The following MGLL variants were observed in gnomAD, a reference collection of about 807,000 sequenced individuals.
The protein encoded by MGLL is monoglyceride lipase.
A neutral mutation model predicts 29.1 loss-of-function variants in MGLL; 7 were observed. The ratio of observed to expected loss-of-function variants is 0.24; its 90% CI spans 0.14 to 0.45. The LOEUF (loss-of-function observed/expected upper bound fraction) is 0.45. Ranked by LOEUF, MGLL falls within the 20% of genes least tolerant of loss-of-function variation. The probability of loss-of-function intolerance (pLI) is 0.99; values close to 1 mark genes in which losing one functional copy is unlikely to be tolerated. For synonymous variants in MGLL, 148 were observed against 168.3 expected (o/e 0.88, Z 0.93); for missense variants, 356 against 413.6 (o/e 0.86, Z 1.21).
chr3:127,734,686 T>G (rs980173253), intron 3 of MGLL, among the ~76,000 whole-genome samples: 1 of 152,162 alleles, frequency 6.6e-6, no homozygotes, highest in Non-Finnish European at 1.5e-5. Context: ...AGCCCCCAGG[T>G]GAAGAGATCC....
chr3:127,817,918 G>A (rs188457716), intron 2 of MGLL, among the ~76,000 whole-genome samples: 15 of 152,256 alleles, frequency 9.9e-5, no homozygotes, highest in East Asian at 3.8e-4. Context: ...CTCCATCGCC[G>A]TGCTGATAGC....
intron 3 of MGLL, among the ~76,000 whole-genome samples, chr3:127,772,501 G>T (rs188765043): frequency 6.6e-6 from 1 of 152,192 alleles, no homozygotes; most frequent in Admixed American, 6.5e-5. Context: ...CACGTGAACC[G>T]TCCTGCACAC....
intron 5 of MGLL, among the ~76,000 whole-genome samples, chr3:127,716,315 A>T (rs180942735): frequency 6.6e-6 from 1 of 152,356 alleles, no homozygotes. Context: ...CTAACTCCGA[A>T]GGGATGCTGG....
intron 5 of MGLL, chr3:127,712,434 G>A (rs1344095085): frequency 6.6e-6 from 1 of 152,262 alleles, no homozygotes; most frequent in Non-Finnish European, 1.5e-5. Context: ...TCTCCTAAAG[G>A]GCTTTGTTCC....
rs564334653 is a variant in MGLL at position 127,702,097 on chromosome 3, G to A, written c.601-6907C>T. 3.9e-5 allele frequency among the ~76,000 whole-genome samples: 6 copies of A among 152,340 alleles called. No individual in the cohort carries two copies. The East Asian group carries it at 9.6e-4, about 24-fold the overall frequency. Reference sequence around the variant, plus strand: ...GGGCAAGACTGAGTGTGGCTTCCAAGGTCACACTGAGGAGATGGAGCGGGG... The same window carrying A: ...GGGCAAGACTGAGTGTGGCTTCCAAAGTCACACTGAGGAGATGGAGCGGGG... On this transcript the variant is annotated intron_variant, in intron 6 of 7. Transcript: ENST00000265052.
intron 2 of MGLL, among the ~76,000 whole-genome samples, chr3:127,799,177 A>G (rs1039189803): frequency 2.6e-5 from 4 of 152,154 alleles, no homozygotes; most frequent in African/African-American, 9.7e-5. Flanking sequence ...ACGGCTGTGG[A>G]GCATCTACGT....
chr3:127,745,913 T>C (rs965276972), intron 3 of MGLL, among the ~76,000 whole-genome samples: 16 of 152,214 alleles, frequency 1.1e-4, no homozygotes, highest in African/African-American at 3.4e-4. Context: ...CACAACGGAC[T>C]GACCCTTCAC....
At chr3:127,748,423 AGAGAGG>A (rs1456184613) in intron 3 of MGLL, among the ~76,000 whole-genome samples, 1 of 119,636 alleles carries the variant, frequency 8.4e-6, no homozygotes, top group East Asian at 2.1e-4. Context: ...AGAGAGAGAG[AGAGAGG>A]GAGAGAGAGA....
intron 2 of MGLL, among the ~76,000 whole-genome samples, chr3:127,804,815 C>A (rs1195237739): frequency 6.6e-6 from 1 of 152,168 alleles, no homozygotes; most frequent in African/African-American, 2.4e-5. Flanking sequence ...GGCCAGGGTC[C>A]ACTGGGGGTC....
At chr3:127,763,423 T>C (rs2076800489) in intron 3 of MGLL, among the ~76,000 whole-genome samples, 1 of 152,246 alleles carries the variant, frequency 6.6e-6, no homozygotes. Flanking sequence ...TGTACCCAGT[T>C]GCTGTGGTAG....
chr3:127,732,572 C>A (rs1217601920), intron 3 of MGLL, among the ~76,000 whole-genome samples: 1 of 152,216 alleles, frequency 6.6e-6, no homozygotes, highest in African/African-American at 2.4e-5. Flanking sequence ...TCCCTACACG[C>A]CCAGACCCCA....
At chr3:127,709,546 G>A (rs1008536278) in intron 6 of MGLL, among the ~76,000 whole-genome samples, 7 of 152,138 alleles carry the variant, frequency 4.6e-5, no homozygotes, top group African/African-American at 1.7e-4. Flanking sequence ...AATGAAGCTA[G>A]AGTCCAACAG....
At chr3:127,707,793 A>G (rs540940465) in intron 6 of MGLL, among the ~76,000 whole-genome samples, 1 of 152,344 alleles carries the variant, frequency 6.6e-6, no homozygotes, top group Non-Finnish European at 1.5e-5. Flanking sequence ...AAGGCTTCAC[A>G]CATGCGGCGA....
chr3:127,706,881 G>A (rs1370386538), intron 6 of MGLL, among the ~76,000 whole-genome samples: 4 of 152,200 alleles, frequency 2.6e-5, no homozygotes, highest in African/African-American at 4.8e-5. Context: ...CGCTTAAGTC[G>A]AAGGCCTCAG....
chr3:127,716,713 G>A (rs1246974954), intron 5 of MGLL, among the ~76,000 whole-genome samples: 1 of 152,248 alleles, frequency 6.6e-6, no homozygotes, highest in Non-Finnish European at 1.5e-5. Context: ...CTTGCCATGA[G>A]GAAGGCAATT....
chr3:127,820,842 T>TA (rs1304612403), intron 2 of MGLL, among the ~76,000 whole-genome samples: 1 of 152,234 alleles, frequency 6.6e-6, no homozygotes, highest in African/African-American at 2.4e-5. Flanking sequence ...TCTGTGTTTT[T>TA]AACGTGCAGC....
chr3:127,721,507 GTT>G (rs55892315), intron 4 of MGLL, among the ~76,000 whole-genome samples: 80 of 94,824 alleles, frequency 8.4e-4, no homozygotes, highest in African/African-American at 1.4e-3. Flanking sequence ...TAATAGGAGG[GTT>G]TTTTTTTTTT....
chr3:127,814,724 G>A (rs369069031), intron 2 of MGLL, among the ~76,000 whole-genome samples: 1 of 152,196 alleles, frequency 6.6e-6, no homozygotes, highest in African/African-American at 2.4e-5. Flanking sequence ...AAACTCAACT[G>A]CAAGAATAGC....
In MGLL at chr3:127,783,143, C is replaced by CAAAAA. The variant is rs72041528; in HGVS notation, c.156-1253_156-1249dup. 1.0e-3 allele frequency among the ~76,000 whole-genome samples: 65 copies of CAAAAA among 63,616 alleles called. 1 individual carries two copies. Among genetic ancestry groups the CAAAAA allele is most frequent in the South Asian group, 6.0e-3 (6 of 992 alleles). 41.7% of individuals were successfully genotyped at this position (63,616 alleles called of 152,430 possible). A position where few individuals can be genotyped will look rare whatever the true frequency, so the allele number is the denominator to read the frequency against. The stretch of plus-strand genomic sequence containing the variant: ...TGGGTGACAGAGTGGGACTCTGTCT[C>CAAAAA]AAAAAAAAAAAAAAAAAAAAAAAAA... On this transcript the variant is annotated intron_variant, in intron 2 of 7. Transcript: ENST00000265052.
Sources: allele counts gnomAD v4.1 joint callset (sites outside exome capture counted in the v4.1 genomes callset), GRCh38; gene constraint gnomAD v4.1.1; transcripts MANE v1.5; gene names NCBI Gene and HGNC (gene_info 2026-07-23, HGNC 2026-07-21).